Variants in CTDP1 observed in about 807,000 individuals in gnomAD.
CTDP1 encodes the protein CTD phosphatase 1, also known as RNA polymerase II subunit A C-terminal domain phosphatase.
In CTDP1, 47 loss-of-function variants were observed where a neutral mutation model predicts 91.8. The ratio of observed to expected loss-of-function variants is 0.51; its 90% CI spans 0.41 to 0.65. The LOEUF is 0.65. CTDP1 is among the 30% of genes least tolerant of loss of function. CTDP1 has a pLI of 0.00. For synonymous variants in CTDP1, 656 were observed against 598.5 expected (o/e 1.10, Z -1.40); for missense variants, 1,272 against 1,373.7 (o/e 0.93, Z 1.17).
intron 11 of CTDP1, among the ~76,000 whole-genome samples, chr18:79,729,938 G>T (rs577989714): frequency 6.6e-6 from 1 of 152,204 alleles, no homozygotes; most frequent in Non-Finnish European, 1.5e-5. Context: ...GCCTGGCACC[G>T]CTGTCCTCTG....
At chr18:79,687,669 C>T (rs1286457499) in intron 1 of CTDP1, among the ~76,000 whole-genome samples, 1 of 151,742 alleles carries the variant, frequency 6.6e-6, no homozygotes, top group Non-Finnish European at 1.5e-5. Flanking sequence ...CACTGGTGGG[C>T]CTGCACCGCA....
intron 12 of CTDP1, among the ~76,000 whole-genome samples, chr18:79,741,713 C>T (rs935541113): frequency 2.0e-5 from 3 of 152,180 alleles, no homozygotes; most frequent in African/African-American, 4.8e-5. Flanking sequence ...AGACACAGGG[C>T]GGCAGGCAGG....
chr18:79,719,042 G>C (rs1361141843), intron 10 of CTDP1, among the ~76,000 whole-genome samples: 3 of 152,220 alleles, frequency 2.0e-5, no homozygotes, highest in Non-Finnish European at 4.4e-5. Context: ...TGGCCAGGGC[G>C]TGGCCTTCGC....
At chr18:79,694,452 G>GTGA in intron 1 of CTDP1, among the ~76,000 whole-genome samples, 3 of 120,290 alleles carry the variant, frequency 2.5e-5, no homozygotes, top group African/African-American at 9.4e-5. Context: ...GGGGGCTACA[G>GTGA]GCACCTAGGG....
chr18:79,750,714 A>G (rs2086980693), intron 12 of CTDP1, among the ~76,000 whole-genome samples: 1 of 127,768 alleles, frequency 7.8e-6, no homozygotes, highest in Admixed American at 9.0e-5. Flanking sequence ...GGGTTTCACC[A>G]TGTTGGTCAG....
At chr18:79,715,661 G>A (rs977934934) in intron 8 of CTDP1, 133 bp downstream of exon 8, 1 of 1,028,958 alleles carries the variant, frequency 9.7e-7, no homozygotes, top group Non-Finnish European at 1.4e-6. Flanking sequence ...CATCTTTTAA[G>A]AATAGATCAT....
At chr18:79,699,096 G>A (rs139908989) in intron 4 of CTDP1, among the ~76,000 whole-genome samples, 1 of 152,110 alleles carries the variant, frequency 6.6e-6, no homozygotes, top group Non-Finnish European at 1.5e-5. Flanking sequence ...GTTTAGGGCC[G>A]GAATTCAGGT....
At chr18:79,685,910 CCTGTTGACGCCTGCA>C in intron 1 of CTDP1, among the ~76,000 whole-genome samples, 1 of 152,070 alleles carries the variant, frequency 6.6e-6, no homozygotes, top group East Asian at 1.9e-4. Context: ...TTTATTCTTC[CCTGTTGACGCCTGCA>C]CTATTTAAAG....
intron 12 of CTDP1, among the ~76,000 whole-genome samples, chr18:79,744,612 A>G (rs1394382381): frequency 3.3e-5 from 5 of 152,244 alleles, no homozygotes. Flanking sequence ...TTCTACAGGT[A>G]AAGAAGGACG....
chr18:79,722,333 G>A (rs1292704819), intron 10 of CTDP1, among the ~76,000 whole-genome samples: 2 of 152,180 alleles, frequency 1.3e-5, no homozygotes, highest in Non-Finnish European at 2.9e-5. Flanking sequence ...CGAATGGCAC[G>A]TCATAAACAA....
chr18:79,711,480 G>A (rs576749251), intron 6 of CTDP1, among the ~76,000 whole-genome samples: 138 of 152,212 alleles, frequency 9.1e-4, no homozygotes, highest in African/African-American at 3.1e-3. Flanking sequence ...GCGTAGGGAC[G>A]GGATGGCATC....
rs146679633 is a variant in CTDP1 at position 79,747,577 on chromosome 18, G to A, written c.2748-6075G>A. On this transcript the variant is annotated intron_variant, in intron 12 of 12. Coordinates refer to ENST00000613122, the MANE Select transcript of CTDP1 (RefSeq NM_004715.5). ...TGGTGGGTTCCTTCCAGGTCCCCGC[G>A]GAGCCCCCCACGCTTGTGTGAGGCT... Among the ~76,000 whole-genome samples, 179 of 152,312 alleles carry A rather than the reference G, an allele frequency of 1.2e-3. 1 individual carries two copies. The highest frequency in any genetic ancestry group is 7.3e-3 in the Admixed American group (111 of 15,300).
chr18:79,701,665 A>T (rs1219600452), intron 4 of CTDP1, among the ~76,000 whole-genome samples: 1 of 152,230 alleles, frequency 6.6e-6, no homozygotes, highest in Non-Finnish European at 1.5e-5. Flanking sequence ...GAAAGGATTC[A>T]CCATTGTGAC....
chr18:79,716,575 C>T (rs780611857), intron 8 of CTDP1, among the ~76,000 whole-genome samples: 4 of 152,136 alleles, frequency 2.6e-5, no homozygotes, highest in Non-Finnish European at 5.9e-5. Context: ...CGGGCCAGGC[C>T]GGGGTCCTCC....
At chr18:79,736,183 TTTG>T in intron 11 of CTDP1, 169 bp from the exon 12 acceptor site, 1 of 799,812 alleles carries the variant, frequency 1.3e-6, no homozygotes, top group Non-Finnish European at 2.0e-6. Flanking sequence ...TGCCCGGGGC[TTTG>T]TTAAGGATTG....
chr18:79,722,073 A>C (rs1417746498), intron 10 of CTDP1, among the ~76,000 whole-genome samples: 2 of 152,238 alleles, frequency 1.3e-5, no homozygotes, highest in Non-Finnish European at 2.9e-5. Flanking sequence ...CTTAAACTAC[A>C]TAAAGTGGTT....
At chr18:79,751,151 G>A (rs1196517676) in intron 12 of CTDP1, among the ~76,000 whole-genome samples, 84 of 136,330 alleles carry the variant, frequency 6.2e-4, no homozygotes, top group Non-Finnish European at 1.2e-3. Flanking sequence ...AGGCCGGGGA[G>A]GGAGGGGCTG....
At chr18:79,679,657 T>G, upstream of CTDP1, 1 of 511,988 alleles carries the variant, frequency 2.0e-6, no homozygotes, top group Non-Finnish European at 3.8e-6. Flanking sequence ...GAAAAGTAGG[T>G]AGGGCTCAGG....
chr18:79,730,252 C>A (rs1212031996), intron 11 of CTDP1, among the ~76,000 whole-genome samples: 4 of 152,166 alleles, frequency 2.6e-5, no homozygotes, highest in Admixed American at 2.6e-4. Context: ...AAGCCCAGAC[C>A]ACTTTATTTA....
Sources: allele counts gnomAD v4.1 joint callset (sites outside exome capture counted in the v4.1 genomes callset), GRCh38; gene constraint gnomAD v4.1.1; transcripts MANE v1.5; gene names NCBI Gene and HGNC (gene_info 2026-07-23, HGNC 2026-07-21).